Variants in PLCE1 observed in about 807,000 individuals in gnomAD.
PLCE1 encodes the protein phospholipase C epsilon 1.
In PLCE1, 119 loss-of-function variants were observed where a neutral mutation model predicts 242.8. The ratio of observed to expected loss-of-function variants is 0.49; its 90% CI spans 0.42 to 0.57. The LOEUF (loss-of-function observed/expected upper bound fraction) is 0.57, where lower values mean the gene tolerates loss of function less well. PLCE1 is among the 20% of genes least tolerant of loss of function. The probability of loss-of-function intolerance (pLI) is 0.00; values close to 1 mark genes in which losing one functional copy is unlikely to be tolerated. For missense variants in PLCE1, 2,441 were observed against 2,788.8 expected (o/e 0.88, Z 2.81); for synonymous variants, 945 against 1,017.4 (o/e 0.93, Z 1.35).
chr10:94,234,447 G>A (rs1176180187), intron 6 of PLCE1, 135 bp downstream of exon 6: 21 of 963,610 alleles, frequency 2.2e-5, no homozygotes, highest in Non-Finnish European at 3.2e-5. Context: ...TTTCTGGGTA[G>A]CACATAGATC....
chr10:94,126,309 C>G (rs2135836195), intron 2 of PLCE1, among the ~76,000 whole-genome samples: 2 of 152,354 alleles, frequency 1.3e-5, no homozygotes, highest in South Asian at 4.1e-4. Flanking sequence ...AAGCCTACAT[C>G]TCTAAAAACT....
chr10:94,020,245 TG>T, intron 1 of PLCE1, among the ~76,000 whole-genome samples: 1 of 152,298 alleles, frequency 6.6e-6, no homozygotes, highest in African/African-American at 2.4e-5. Flanking sequence ...ATTTCCCTTA[TG>T]ACTAATGATG....
chr10:94,079,537 G>A (rs748090609), intron 2 of PLCE1, among the ~76,000 whole-genome samples: 2 of 152,018 alleles, frequency 1.3e-5, no homozygotes, highest in Non-Finnish European at 2.9e-5. Flanking sequence ...ACCATGGCAC[G>A]TGTATACCTA....
chr10:94,191,183 G>C (rs573731840), intron 4 of PLCE1, among the ~76,000 whole-genome samples: 1 of 152,146 alleles, frequency 6.6e-6, no homozygotes, highest in African/African-American at 2.4e-5. Context: ...CATTAACAGA[G>C]CATTCAGAAT....
intron 2 of PLCE1, among the ~76,000 whole-genome samples, chr10:94,060,247 T>C (rs1461254097): frequency 6.6e-6 from 1 of 152,164 alleles, no homozygotes; most frequent in Non-Finnish European, 1.5e-5. Flanking sequence ...TTTCATTATG[T>C]GTTCTAAGAC....
In PLCE1 at chr10:94,258,854, T is replaced by C. The variant is rs566427592; in HGVS notation, c.3609T>C (p.Phe1203=). 56 of 1,614,100 alleles carry C rather than the reference T, an allele frequency of 3.5e-5. 1 individual carries two copies. The South Asian group carries it at 4.8e-4, about 14-fold the overall frequency. The change falls in exon 12 of 33, where the codon TTT becomes TTC. Residue 1203 remains phenylalanine (F), a synonymous_variant. Coordinates refer to ENST00000371380, the MANE Select transcript of PLCE1 (RefSeq NM_016341.4). The stretch of plus-strand genomic sequence containing the variant: ...GGATCAAAGGCGGCATGAAGGGATT[T>C]CAGAGCTTCATGGTTTCAGATAGCA... ...HGRIKGGMKG[F]QSFMVSDSNM... is the part of the protein sequence containing the mutation.
intron 3 of PLCE1, among the ~76,000 whole-genome samples, chr10:94,170,767 C>T (rs2047947103): frequency 6.6e-6 from 1 of 152,278 alleles, no homozygotes. Flanking sequence ...TATTCTTCAC[C>T]ACACAGCCTT....
At chr10:94,297,344 G>A (rs575505005) in intron 23 of PLCE1, among the ~76,000 whole-genome samples, 16 of 152,066 alleles carry the variant, frequency 1.1e-4, no homozygotes, top group African/African-American at 3.4e-4. Context: ...GTCAGAGCAC[G>A]CACATTTGTC....
At chr10:94,056,682 A>G (rs977679681) in intron 2 of PLCE1, among the ~76,000 whole-genome samples, 2 of 152,230 alleles carry the variant, frequency 1.3e-5, no homozygotes, top group African/African-American at 4.8e-5. Context: ...TTTAAAGTAT[A>G]CAATTCAATG....
intron 27 of PLCE1, among the ~76,000 whole-genome samples, 194 bp downstream of exon 27, chr10:94,308,893 A>G (rs2053292000): frequency 6.6e-6 from 1 of 152,220 alleles, no homozygotes; most frequent in Non-Finnish European, 1.5e-5. Context: ...CAATAACGTC[A>G]GGCAGTAGCT....
Position 94,313,323 on chromosome 10 carries a change from G to T in PLCE1, c.6073G>T (p.Glu2025Ter). The part of the protein sequence containing the change: ...RVTVHGVPGP[E>*]PFTVFTINGG... ...CACGGTGCATGGGGTCCCAGGGCCAGAGCCCTTTACCGTTTTCACTATTAA... is the reference window on the plus strand; with the variant it reads ...CACGGTGCATGGGGTCCCAGGGCCATAGCCCTTTACCGTTTTCACTATTAA... Residue 2025 changes from glutamate to a stop codon, truncating the protein, a stop_gained, in exon 28 of 33, where the codon GAG (glutamate) becomes TAG (stop). Coordinates refer to ENST00000371380, the MANE Select transcript of PLCE1 (RefSeq NM_016341.4). LOFTEE classifies it high-confidence loss of function. 1.2e-6 allele frequency: 2 copies of T among 1,614,152 alleles called. No homozygotes were observed. The highest frequency in any genetic ancestry group is 1.7e-6 in the Non-Finnish European group (2 of 1,179,992).
intron 4 of PLCE1, among the ~76,000 whole-genome samples, chr10:94,216,016 G>A (rs560521146): frequency 2.1e-4 from 32 of 152,268 alleles, no homozygotes; most frequent in South Asian, 6.2e-4. Context: ...CTCTGGGGCC[G>A]GCCTGCCTGG....
At chr10:94,057,874 G>T (rs2043950430) in intron 2 of PLCE1, among the ~76,000 whole-genome samples, 1 of 152,110 alleles carries the variant, frequency 6.6e-6, no homozygotes, top group Admixed American at 6.5e-5. Flanking sequence ...TGTTGGCAGG[G>T]TTCATTTCCT....
At chr10:94,207,950 T>C (rs2049214780) in intron 4 of PLCE1, among the ~76,000 whole-genome samples, 1 of 152,220 alleles carries the variant, frequency 6.6e-6, no homozygotes, top group Admixed American at 6.5e-5. Context: ...CAAGGGATTG[T>C]TATTTCTTAC....
At chr10:94,226,672 A>G (rs1263171061) in intron 4 of PLCE1, among the ~76,000 whole-genome samples, 1 of 152,198 alleles carries the variant, frequency 6.6e-6, no homozygotes, top group Admixed American at 6.5e-5. Flanking sequence ...TTTAATGTCC[A>G]TCAGTCAAAT....
At chr10:94,104,096 T>C (rs1048862647) in intron 2 of PLCE1, 2 of 152,230 alleles carry the variant, frequency 1.3e-5, no homozygotes, top group Non-Finnish European at 2.9e-5. Flanking sequence ...AAGTGTTCTT[T>C]AAGAGAGTCA....
At chr10:94,090,363 G>A (rs962321816) in intron 2 of PLCE1, among the ~76,000 whole-genome samples, 1 of 152,172 alleles carries the variant, frequency 6.6e-6, no homozygotes, top group African/African-American at 2.4e-5. Context: ...GATGTTTTAT[G>A]AGTGTTAGGG....
chr10:94,203,992 T>C (rs1320898220), intron 4 of PLCE1, among the ~76,000 whole-genome samples: 1 of 152,228 alleles, frequency 6.6e-6, no homozygotes, highest in Non-Finnish European at 1.5e-5. Context: ...TTATTTTCCT[T>C]ACCTATAAAT....
intron 7 of PLCE1, among the ~76,000 whole-genome samples, chr10:94,239,958 C>A (rs1281279100): frequency 6.6e-6 from 1 of 152,180 alleles, no homozygotes; most frequent in Non-Finnish European, 1.5e-5. Context: ...CTGCCTCAGC[C>A]CAGCCCAGAC....
Sources: gnomAD v4.1 joint callset for allele counts (sites outside exome capture counted in the v4.1 genomes callset) on GRCh38, gnomAD v4.1.1 for gene constraint, MANE v1.5 for transcripts, NCBI Gene and HGNC (gene_info 2026-07-23, HGNC 2026-07-21) for gene names.